Variants in SPOP observed in about 807,000 individuals in gnomAD.
SPOP encodes the protein speckle-type POZ protein.
Under a neutral mutation model 45.6 loss-of-function variants are expected in SPOP, and 11 were observed. The observed-to-expected ratio is 0.24, with a 90% CI of 0.15 to 0.40. SPOP has a LOEUF of 0.40. SPOP is among the 10% of genes least tolerant of loss of function. The pLI, the probability that SPOP is intolerant of heterozygous loss-of-function variation, is 1.00. For missense variants in SPOP, 152 were observed against 465.6 expected (o/e 0.33, Z 6.20); for synonymous variants, 166 against 166.3 (o/e 1.00, Z 0.01).
chr17:49,674,383 A>T (rs1176928617), intron 1 of SPOP, among the ~76,000 whole-genome samples: 2 of 152,094 alleles, frequency 1.3e-5, no homozygotes, highest in Admixed American at 1.3e-4. Context: ...CAATCTCGTT[A>T]CTCACTATTA....
chr17:49,650,097 G>A (rs921514455), intron 1 of SPOP, among the ~76,000 whole-genome samples: 13 of 151,516 alleles, frequency 8.6e-5, no homozygotes, highest in Non-Finnish European at 1.5e-4. Context: ...CTCCATCTTG[G>A]TCAGACTGGT....
intron 5 of SPOP, among the ~76,000 whole-genome samples, chr17:49,614,992 A>T (rs1207744585): frequency 2.0e-5 from 3 of 151,860 alleles, no homozygotes; most frequent in Admixed American, 6.6e-5. Flanking sequence ...CCAAGTAGCT[A>T]GGACTACAGG....
intron 1 of SPOP, among the ~76,000 whole-genome samples, chr17:49,647,384 G>GAGACCTC (rs1273729339): frequency 6.6e-6 from 1 of 150,382 alleles, no homozygotes; most frequent in Admixed American, 6.6e-5. Flanking sequence ...ATTATTAATG[G>GAGACCTC]AGACCTCAGC....
chr17:49,654,289 A>G (rs1037984131), intron 1 of SPOP, among the ~76,000 whole-genome samples: 1 of 152,186 alleles, frequency 6.6e-6, no homozygotes, highest in Non-Finnish European at 1.5e-5. Context: ...GACAGTGTCT[A>G]TCTATGTTGC....
At chr17:49,667,829 G>A (rs141826107) in intron 1 of SPOP, among the ~76,000 whole-genome samples, 278 of 152,194 alleles carry the variant, frequency 1.8e-3, no homozygotes, top group Non-Finnish European at 3.6e-3. Flanking sequence ...CCCAATAGCC[G>A]AAAGGTAAAA....
rs1431814345 is a variant in SPOP, at chr17:49,600,848, C to T, written c.981-326G>A. 8.1e-6 allele frequency: 2 copies of T among 246,316 alleles called. No homozygotes were observed. The highest frequency in any genetic ancestry group is 8.4e-5 in the East Asian group (1 of 11,852). 15.3% of individuals were successfully genotyped at this position (246,316 alleles called of 1,614,324 possible). A position where few individuals can be genotyped will look rare whatever the true frequency, so the allele number is the denominator to read the frequency against. On this transcript the variant is annotated intron_variant, in intron 9 of 9. Transcript: ENST00000504102. This position sits in a 1 kb window ranked among gnomAD's most constrained non-coding sequence, Gnocchi z 4.2. ...TCATAAAAAGGAGCATGGGCTCCCT[C>T]GGCCAGAAGCCCTGAGCTTCTGCCT...
chr17:49,663,729 G>C (rs1187047553), intron 1 of SPOP, among the ~76,000 whole-genome samples: 1 of 152,102 alleles, frequency 6.6e-6, no homozygotes, highest in Non-Finnish European at 1.5e-5. Flanking sequence ...ACTTTTACTT[G>C]GAACAAAGAA....
intron 1 of SPOP, among the ~76,000 whole-genome samples, chr17:49,669,026 T>G (rs1426364677): frequency 6.6e-6 from 1 of 151,984 alleles, no homozygotes; most frequent in African/African-American, 2.4e-5. Context: ...TCCGCCCATC[T>G]CGGCCTCCCA....
chr17:49,638,781 A>T (rs1410826961), intron 1 of SPOP, among the ~76,000 whole-genome samples: 1 of 152,232 alleles, frequency 6.6e-6, no homozygotes, highest in Non-Finnish European at 1.5e-5. Context: ...CAGATACCAT[A>T]AAATAAATTC....
At chr17:49,629,004 G>A (rs1293222407) in intron 1 of SPOP, among the ~76,000 whole-genome samples, 3 of 152,136 alleles carry the variant, frequency 2.0e-5, no homozygotes, top group African/African-American at 7.2e-5. Flanking sequence ...AGTACTTTGG[G>A]AGCCCGAGGT....
intron 1 of SPOP, among the ~76,000 whole-genome samples, chr17:49,626,656 C>T (rs1313803592): frequency 6.6e-6 from 1 of 151,574 alleles, no homozygotes; most frequent in African/African-American, 2.4e-5. Context: ...GCCAAGATGT[C>T]GCCATTGCAC....
intron 1 of SPOP, among the ~76,000 whole-genome samples, chr17:49,647,873 G>A (rs565464877): frequency 5.9e-5 from 9 of 152,112 alleles, no homozygotes; most frequent in Non-Finnish European, 8.8e-5. Context: ...TGTTCTAACT[G>A]CCAGAGTAAT....
At chr17:49,656,883 C>T (rs1169197286) in intron 1 of SPOP, among the ~76,000 whole-genome samples, 1 of 151,966 alleles carries the variant, frequency 6.6e-6, no homozygotes, top group African/African-American at 2.4e-5. Flanking sequence ...AGTTGCTATA[C>T]GAATAAAACT....
intron 1 of SPOP, among the ~76,000 whole-genome samples, chr17:49,625,771 AAAC>A (rs1186209019): frequency 5.9e-5 from 9 of 152,326 alleles, no homozygotes; most frequent in Admixed American, 3.3e-4. Flanking sequence ...TAAAAGTAAA[AAAC>A]AACAACAACA....
At chr17:49,669,658 G>C (rs890952075) in intron 1 of SPOP, among the ~76,000 whole-genome samples, 1 of 149,764 alleles carries the variant, frequency 6.7e-6, no homozygotes, top group African/African-American at 2.5e-5. Flanking sequence ...CCAGCTACTC[G>C]GGAGGCTTAG....
In SPOP at chr17:49,611,384, C is replaced by T. The variant is rs200866660; in HGVS notation, c.554G>A (p.Arg185Gln). The T allele has an allele frequency of 6.2e-6, 10 of 1,614,034 alleles. No individual in the cohort carries two copies. Among genetic ancestry groups the T allele is most frequent in the Admixed American group, 1.7e-5 (1 of 60,000 alleles). Residue 185 changes from arginine to glutamine, a missense_variant, in exon 6 of 10, where the codon CGG becomes CAG. Coordinates refer to ENST00000504102, the MANE Select transcript of SPOP (RefSeq NM_001007228.2). ...CAGTCCTCCTAACTCATCTGCCAGC[C>T]GGCACTCAGGAACCTTTACCATGTT... ...TMNMVKVPEC[R>Q]LADELGGLWE...
intron 1 of SPOP, among the ~76,000 whole-genome samples, chr17:49,662,861 G>C (rs1363878844): frequency 6.6e-6 from 1 of 152,130 alleles, no homozygotes; most frequent in Non-Finnish European, 1.5e-5. Context: ...TGTACTTCAA[G>C]TATTGACCTT....
At chr17:49,668,736 C>T (rs1241813471) in intron 1 of SPOP, among the ~76,000 whole-genome samples, 2 of 150,274 alleles carry the variant, frequency 1.3e-5, no homozygotes, top group Non-Finnish European at 3.0e-5. Context: ...TATATATTGA[C>T]ATATATATAG....
intron 1 of SPOP, among the ~76,000 whole-genome samples, chr17:49,673,359 A>C (rs1455688595): frequency 6.6e-6 from 1 of 152,062 alleles, no homozygotes; most frequent in Non-Finnish European, 1.5e-5. Context: ...ACAAAAAATT[A>C]GCCGGGCGTG....
Sources: gnomAD v4.1 joint callset for allele counts (sites outside exome capture counted in the v4.1 genomes callset) on GRCh38, gnomAD v4.1.1 for gene constraint, Gnocchi (gnomAD v3.1) non-coding constraint, MANE v1.5 for transcripts, NCBI Gene and HGNC (gene_info 2026-07-23, HGNC 2026-07-21) for gene names.